The following TBC1D17 variants were observed in gnomAD, a reference collection of about 807,000 sequenced individuals.
TBC1D17 encodes TBC1 domain family member 17, also known as TBC1 domain family, member 17.
TBC1D17 carries 69 observed loss-of-function variants against 78.8 expected under a neutral mutation model. The ratio of observed to expected loss-of-function variants is 0.88; its 90% CI spans 0.72 to 1.07. The LOEUF (loss-of-function observed/expected upper bound fraction) is 1.07. Among genes scored for constraint, TBC1D17 ranks in the 50% least tolerant of loss-of-function variants. TBC1D17 has a pLI of 0.00. For synonymous variants in TBC1D17, 456 were observed against 358.3 expected (o/e 1.27, Z -3.08); for missense variants, 957 against 861.0 (o/e 1.11, Z -1.39).
In TBC1D17 at chr19:49,888,266, G is replaced by A. The variant is rs770423540; in HGVS notation, c.1695G>A (p.Glu565=). The A allele has an allele frequency of 4.0e-5, 64 of 1,594,414 alleles. No individual in the cohort carries two copies. In the Middle Eastern group the frequency reaches 1.2e-3, roughly 29 times the overall value. Residue 565 remains glutamate, a synonymous_variant, in exon 16 of 17, where the codon GAG becomes GAA. Coordinates refer to ENST00000221543, the MANE Select transcript of TBC1D17 (RefSeq NM_024682.3). The stretch of plus-strand genomic sequence containing the variant: ...AGCTGACTATGAAGCTGAGCGTGGA[G>A]GACGTGCTGACCCGCGCCGAGGCCC... ...INELTMKLSV[E]DVLTRAEALH...
chr19:49,880,913 C>T (rs572648962), intron 4 of TBC1D17, among the ~76,000 whole-genome samples: 1 of 152,150 alleles, frequency 6.6e-6, no homozygotes, highest in African/African-American at 2.4e-5. Flanking sequence ...TTTAGGGAGC[C>T]GCTGGCCTTT....
At chr19:49,886,770 G>A (rs1367630170) in intron 13 of TBC1D17, 1 of 152,060 alleles carries the variant, frequency 6.6e-6, no homozygotes, top group East Asian at 1.9e-4. Flanking sequence ...TTAACTTGGG[G>A]GGAAAAAAAG....
chr19:49,887,025 T>G (rs1050395762), intron 13 of TBC1D17: 1 of 187,832 alleles, frequency 5.3e-6, no homozygotes, highest in Admixed American at 5.4e-5. Context: ...TTAGTAGAGA[T>G]GGGGTTTTAC....
intron 4 of TBC1D17, among the ~76,000 whole-genome samples, 181 bp from the exon 5 acceptor site, chr19:49,881,087 C>A (rs930875162): frequency 1.3e-5 from 2 of 152,166 alleles, no homozygotes; most frequent in African/African-American, 4.8e-5. Context: ...TACATGTCCA[C>A]TGGGCCCCCT....
intron 13 of TBC1D17, among the ~76,000 whole-genome samples, chr19:49,886,359 C>T (rs531358700): frequency 2.6e-5 from 4 of 152,248 alleles, no homozygotes; most frequent in African/African-American, 9.6e-5. Flanking sequence ...AACATTTCCT[C>T]GATGCTTTAG....
Position 49,880,351 on chromosome 19 carries a change from G to C in TBC1D17, c.268G>C (p.Ala90Pro). Residue 90 changes from alanine (A) to proline (P), a missense_variant, in exon 4 of 17, where the codon GCT becomes CCT. Physicochemically the swap from Ala to Pro is conservative, Grantham distance 27 (BLOSUM62 -1). Coordinates refer to ENST00000221543, the MANE Select transcript of TBC1D17 (RefSeq NM_024682.3). ...TGACCCCGGCTATGAACCTGACTGG[G>C]CTGTCATCAGCACTGTGCGGCCACA... Reference protein sequence around the residue: ...TFDPGYEPDWAVISTVRPQLC... With the variant: ...TFDPGYEPDWPVISTVRPQLC... The C allele has an allele frequency of 6.2e-7, 1 of 1,614,032 alleles. No individual in the cohort carries two copies. Among genetic ancestry groups the C allele is most frequent in the Non-Finnish European group, 8.5e-7 (1 of 1,180,002 alleles).
Position 49,878,530 on chromosome 19 carries a change from AGAG to A in TBC1D17, c.158_160del (p.Glu53del), listed in dbSNP as rs1489162486. 1 of 1,614,132 alleles carries A rather than the reference AGAG, an allele frequency of 6.2e-7. No individual in the cohort carries two copies. Among genetic ancestry groups the A allele is most frequent in the Non-Finnish European group, 8.5e-7 (1 of 1,180,002 alleles). On this transcript the variant is annotated inframe_deletion, in exon 3 of 17. Coordinates refer to ENST00000221543, the MANE Select transcript of TBC1D17 (RefSeq NM_024682.3). ...ACGTCCTCCTGCACTGGGCTCCTGT[AGAG>A]GAGGCTGGAGATTCCACCCAAATCC...
rs775859658 is a variant in TBC1D17, at chr19:49,882,791, G to C, written c.826G>C (p.Glu276Gln). ...GGAGCTGGGGCCTCGGCCAACCGTGGAGCGGGGCCCTCCAGTTACAGAGGA... is the reference window on the plus strand; with the variant it reads ...GGAGCTGGGGCCTCGGCCAACCGTGCAGCGGGGCCCTCCAGTTACAGAGGA... ...CVELGPRPTV[E>Q]RGPPVTEEEW... Residue 276 changes from glutamate (E) to glutamine (Q), a missense_variant, in exon 8 of 17, where the codon GAG becomes CAG. Coordinates refer to ENST00000221543, the MANE Select transcript of TBC1D17 (RefSeq NM_024682.3). The C allele has an allele frequency of 3.8e-6, 6 of 1,598,688 alleles. No homozygotes were observed. Among genetic ancestry groups the C allele is most frequent in the African/African-American group, 2.7e-5 (2 of 74,184 alleles).
rs759918998 is a variant in TBC1D17, at chr19:49,887,216, T to G, written c.1445-260T>G. 8.5e-4 allele frequency: 412 copies of G among 483,254 alleles called. 1 individual carries two copies. The highest frequency in any genetic ancestry group is 2.1e-3 in the Admixed American group (64 of 30,214). 29.9% of individuals were successfully genotyped at this position (483,254 alleles called of 1,614,324 possible). On this transcript the variant is annotated intron_variant, in intron 13 of 16. Coordinates refer to ENST00000221543, the MANE Select transcript of TBC1D17 (RefSeq NM_024682.3). ...CACCAGCAGCGGGCAGAGGTCTGTT[T>G]CGTCGGGCGTGCTGGGCGTCCTGCC...
In TBC1D17 at chr19:49,888,500, C is replaced by G; in HGVS notation, c.1823C>G (p.Ser608Cys). Residue 608 changes from serine (S) to cysteine (C), a missense_variant, in exon 17 of 17, where the codon TCC (serine) becomes TGC (cysteine). By Grantham distance (112) the Ser-to-Cys change is moderately radical (BLOSUM62 -1). Coordinates refer to ENST00000221543, the MANE Select transcript of TBC1D17 (RefSeq NM_024682.3). The stretch of plus-strand genomic sequence containing the variant: ...CCCCACAGCCCCTCGCCCACCGCCT[C>G]CCCGCTGCCTCTGTCGCCCACCCGG... Reference protein sequence around the residue: ...AEPHSPSPTASPLPLSPTRAP... With the variant: ...AEPHSPSPTACPLPLSPTRAP... 1 of 1,571,338 alleles carries G rather than the reference C, an allele frequency of 6.4e-7. No homozygotes were observed. The highest frequency in any genetic ancestry group is 8.6e-7 in the Non-Finnish European group (1 of 1,163,692).
At position 49,882,136 on chromosome 19, in the gene TBC1D17, G is replaced by A. The variant is rs909782346; in HGVS notation, c.623G>A (p.Ser208Asn). The change falls in exon 6 of 17, where the codon AGC becomes AAC. Residue 208 changes from serine to asparagine, a missense_variant. Transcript: ENST00000221543. ...FHHLQLFDQD[S>N]SNVVSRFLQD... Reference sequence around the variant, plus strand: ...CACCTGCAGCTCTTTGACCAGGACAGCTCCAATGTGGTGTCAGTGAGTGTC... The same window carrying A: ...CACCTGCAGCTCTTTGACCAGGACAACTCCAATGTGGTGTCAGTGAGTGTC... 7 of 1,613,962 alleles carry A rather than the reference G, an allele frequency of 4.3e-6. No individual in the cohort carries two copies. The African/African-American group carries it at 9.3e-5, about 22-fold the overall frequency.
chr19:49,877,991 G>T (rs781406716), intron 1 of TBC1D17, 152 bp from the exon 2 acceptor site: 1 of 744,174 alleles, frequency 1.3e-6, no homozygotes, highest in Non-Finnish European at 2.1e-6. Flanking sequence ...ATCCGAACGC[G>T]GGCTGGACCA....
At position 49,883,114 on chromosome 19, in the gene TBC1D17, A is replaced by G. The variant is rs1009401437; in HGVS notation, c.1031+38A>G. ...GAGGCCCTGCCCTGCCAGGCATGAC[A>G]CCTGGTACCTCCTAGGGCACCAATG... On this transcript the variant is annotated intron_variant, in intron 9 of 16. Coordinates refer to ENST00000221543, the MANE Select transcript of TBC1D17 (RefSeq NM_024682.3). 1.9e-6 allele frequency: 3 copies of G among 1,560,180 alleles called. No homozygotes were observed. In the African/African-American group the frequency reaches 4.1e-5, roughly 21 times the overall value.
chr19:49,880,397 C>A lies in TBC1D17; in HGVS notation c.314C>A (p.Thr105Lys), dbSNP rs899321303. The change falls in exon 4 of 17, where the codon ACG becomes AAG. Residue 105 changes from threonine to lysine, a missense_variant. Transcript: ENST00000221543. Reference protein sequence around the residue: ...VRPQLCHSEPTRGAEPSCPQG... With the variant: ...VRPQLCHSEPKRGAEPSCPQG... ...CCACAGCTCTGCCACTCAGAGCCCA[C>A]GAGAGGTAGGCTGAGGTGGCGGCCC... 1.2e-6 allele frequency: 2 copies of A among 1,613,392 alleles called. No individual in the cohort carries two copies. Among genetic ancestry groups the A allele is most frequent in the African/African-American group, 1.3e-5 (1 of 74,916 alleles).
rs1214865548 is a variant in TBC1D17 at position 49,882,316 on chromosome 19, G to A, written c.714G>A (p.Leu238=). The change falls in exon 7 of 17, where the codon CTG becomes CTA. Residue 238 remains leucine, a synonymous_variant. Coordinates refer to ENST00000221543, the MANE Select transcript of TBC1D17 (RefSeq NM_024682.3). Reference sequence around the variant, plus strand: ...TGACCAACTTCTTCCGGGGTGCCCTGCAGCCACAGCCTGAGGGAGCCGCCT... The same window carrying A: ...TGACCAACTTCTTCCGGGGTGCCCTACAGCCACAGCCTGAGGGAGCCGCCT... ...SRVTNFFRGA[L]QPQPEGAASD... The A allele has an allele frequency of 1.6e-5, 25 of 1,611,558 alleles. No individual in the cohort carries two copies. Among genetic ancestry groups the A allele is most frequent in the Non-Finnish European group, 2.1e-5 (25 of 1,179,998 alleles).
intron 13 of TBC1D17, chr19:49,885,457 A>AT (rs1449953532): frequency 6.7e-6 from 1 of 149,948 alleles, no homozygotes; most frequent in African/African-American, 2.5e-5. Context: ...CTCAAAAAAA[A>AT]AAAAAAAAAA....
chr19:49,888,242 GCTGA>G lies in TBC1D17; in HGVS notation c.1674_1677del (p.Thr559Ter). 1 of 1,589,206 alleles carries G rather than the reference GCTGA, an allele frequency of 6.3e-7. No homozygotes were observed. Among genetic ancestry groups the G allele is most frequent in the East Asian group, 2.3e-5 (1 of 43,836 alleles). On this transcript the variant is annotated frameshift_variant, in exon 16 of 17. Coordinates refer to ENST00000221543, the MANE Select transcript of TBC1D17 (RefSeq NM_024682.3). LOFTEE classifies it high-confidence loss of function. ...ACCCCCTCCCGCAGCACATCAACGA[GCTGA>G]CTATGAAGCTGAGCGTGGAGGACGT...
At chr19:49,887,341 C>T in intron 13 of TBC1D17, 135 bp from the exon 14 acceptor site, 1 of 836,760 alleles carries the variant, frequency 1.2e-6, no homozygotes, top group Non-Finnish European at 1.9e-6. Flanking sequence ...GCTGCTCCTG[C>T]CTCACCTCCG....
At chr19:49,883,228 A>G in intron 9 of TBC1D17, 152 bp downstream of exon 9, 1 of 670,712 alleles carries the variant, frequency 1.5e-6, no homozygotes, top group South Asian at 1.9e-5. Context: ...AGCCAGACCC[A>G]TCCTCACCCC....
Sources: gnomAD v4.1 joint callset for allele counts (sites outside exome capture counted in the v4.1 genomes callset) on GRCh38, gnomAD v4.1.1 for gene constraint, MANE v1.5 for transcripts, NCBI Gene and HGNC (gene_info 2026-07-23, HGNC 2026-07-21) for gene names.